EFCAB11: variants seen among roughly 807,000 people sequenced by gnomAD.
EFCAB11 encodes the protein EF-hand calcium-binding domain-containing protein 11.
EFCAB11 carries 14 observed loss-of-function variants against 23.0 expected under a neutral mutation model. The ratio of observed to expected loss-of-function variants is 0.61; its 90% confidence interval spans 0.40 to 0.95. EFCAB11 has a LOEUF of 0.95. Among genes scored for constraint, EFCAB11 ranks in the 40% least tolerant of loss-of-function variants. EFCAB11 has a pLI of 0.00. For missense variants in EFCAB11, 198 were observed against 195.8 expected (o/e 1.01, Z -0.07); for synonymous variants, 65 against 66.6 (o/e 0.98, Z 0.11).
intron 5 of EFCAB11, among the ~76,000 whole-genome samples, chr14:89,904,336 T>A (rs1475037771): frequency 1.3e-5 from 2 of 152,290 alleles, no homozygotes; most frequent in South Asian, 2.1e-4. Context: ...CAGGATTCCA[T>A]GGTGTATATG....
At chr14:89,874,272 ACTG>A (rs1211755853) in intron 5 of EFCAB11, among the ~76,000 whole-genome samples, 1 of 152,114 alleles carries the variant, frequency 6.6e-6, no homozygotes, top group African/African-American at 2.4e-5. Flanking sequence ...AAGTCCTGAG[ACTG>A]CACAAAGCAG....
intron 5 of EFCAB11, among the ~76,000 whole-genome samples, chr14:89,864,930 C>A (rs1282815930): frequency 6.6e-6 from 1 of 152,204 alleles, no homozygotes; most frequent in Admixed American, 6.5e-5. Flanking sequence ...CAGCAGGATG[C>A]CCTCAGTGAC....
chr14:89,868,867 T>C lies in EFCAB11; in HGVS notation c.410+62674A>G, dbSNP rs1002990967. Reference sequence around the variant, plus strand: ...GAGCATAACAGACACCAAAATACTATGCAAACCTGCTTTCTTACAGAAACA... The same window carrying C: ...GAGCATAACAGACACCAAAATACTACGCAAACCTGCTTTCTTACAGAAACA... On this transcript the variant is annotated intron_variant, in intron 5 of 5. Transcript: ENST00000316738. Among the ~76,000 whole-genome samples, 3 of 152,202 alleles carry C rather than the reference T, an allele frequency of 2.0e-5. No individual in the cohort carries two copies. The East Asian group carries it at 5.8e-4, about 29-fold the overall frequency.
chr14:89,842,451 T>C (rs1224389786), intron 5 of EFCAB11, among the ~76,000 whole-genome samples: 1 of 152,160 alleles, frequency 6.6e-6, no homozygotes, highest in Non-Finnish European at 1.5e-5. Context: ...TAGCCAAGCA[T>C]GGAATCCCAG....
In EFCAB11 at chr14:89,836,778, G is replaced by A. The variant is rs375818844; in HGVS notation, c.411-39454C>T. On this transcript the variant is annotated intron_variant, in intron 5 of 5. Coordinates refer to ENST00000316738, the MANE Select transcript of EFCAB11 (RefSeq NM_145231.4). ...TTACACCTGTAATCCCAGCACTTTG[G>A]GAGGCTGAGGTGGGCAGATCACTTG... 7.3e-5 allele frequency: 30 copies of A among 411,086 alleles called. No individual in the cohort carries two copies. The East Asian group carries it at 8.5e-4, about 12-fold the overall frequency. 25.5% of individuals were successfully genotyped at this position (411,086 alleles called of 1,614,324 possible).
intron 3 of EFCAB11, among the ~76,000 whole-genome samples, chr14:89,934,465 T>C (rs997689520): frequency 1.3e-5 from 2 of 152,082 alleles, no homozygotes; most frequent in African/African-American, 4.8e-5. Flanking sequence ...AAGAGCAAAA[T>C]TGGGGCGAGA....
At chr14:89,828,637 T>TGG (rs377273054) in intron 5 of EFCAB11, among the ~76,000 whole-genome samples, 2 of 152,166 alleles carry the variant, frequency 1.3e-5, no homozygotes, top group African/African-American at 4.8e-5. Flanking sequence ...TCAGAACTTA[T>TGG]GGGGTGTTTA....
At chr14:89,838,583 AAAC>A (rs1170688846) in intron 5 of EFCAB11, among the ~76,000 whole-genome samples, 1 of 152,186 alleles carries the variant, frequency 6.6e-6, no homozygotes, top group East Asian at 1.9e-4. Context: ...TAAGGGAGAA[AAAC>A]AATAACAGCA....
chr14:89,929,163 C>T (rs1236967733), intron 5 of EFCAB11, among the ~76,000 whole-genome samples: 1 of 151,748 alleles, frequency 6.6e-6, no homozygotes, highest in Non-Finnish European at 1.5e-5. Context: ...CCTCCCATCT[C>T]AGCCTCCCAA....
intron 3 of EFCAB11, among the ~76,000 whole-genome samples, chr14:89,939,227 G>C (rs1216263320): frequency 6.6e-6 from 1 of 151,838 alleles, no homozygotes; most frequent in Non-Finnish European, 1.5e-5. Flanking sequence ...GACTCGGCTG[G>C]ACACAATTCA....
At chr14:89,924,532 C>T in intron 5 of EFCAB11, 2 of 1,485,672 alleles carry the variant, frequency 1.3e-6, no homozygotes, top group South Asian at 2.6e-5. Flanking sequence ...GAGAAGGTTC[C>T]TAGGCATGGA....
intron 5 of EFCAB11, among the ~76,000 whole-genome samples, chr14:89,916,530 G>A (rs1202887512): frequency 6.6e-6 from 1 of 152,150 alleles, no homozygotes; most frequent in African/African-American, 2.4e-5. Flanking sequence ...TAGTAAAGAA[G>A]ACCATTTGAA....
At chr14:89,907,240 A>C (rs1555375742) in intron 5 of EFCAB11, among the ~76,000 whole-genome samples, 1 of 152,210 alleles carries the variant, frequency 6.6e-6, no homozygotes, top group Non-Finnish European at 1.5e-5. Context: ...GATTTGTTTG[A>C]GGGTCTAACA....
intron 5 of EFCAB11, among the ~76,000 whole-genome samples, chr14:89,811,450 T>A (rs1361553245): frequency 6.6e-6 from 1 of 152,092 alleles, no homozygotes; most frequent in African/African-American, 2.4e-5. Flanking sequence ...TGTGAATATG[T>A]TGTATTATGT....
intron 5 of EFCAB11, chr14:89,923,614 A>T: frequency 1.1e-6 from 1 of 884,750 alleles, no homozygotes; most frequent in Non-Finnish European, 1.4e-6. Flanking sequence ...ACAAAGAATG[A>T]AATATGATTT....
intron 3 of EFCAB11, among the ~76,000 whole-genome samples, chr14:89,939,762 G>A: frequency 6.6e-6 from 1 of 152,056 alleles, no homozygotes; most frequent in East Asian, 1.9e-4. Context: ...ATTTTTTGAT[G>A]GAGTCTTGCT....
chr14:89,869,666 G>A (rs1888207705), intron 5 of EFCAB11, among the ~76,000 whole-genome samples: 1 of 152,128 alleles, frequency 6.6e-6, no homozygotes, highest in Non-Finnish European at 1.5e-5. Flanking sequence ...CACAAGATGG[G>A]GATGGTGACA....
intron 5 of EFCAB11, among the ~76,000 whole-genome samples, chr14:89,857,510 T>TC (rs930351322): frequency 1.2e-4 from 8 of 67,754 alleles, no homozygotes; most frequent in Non-Finnish European, 2.6e-4. Context: ...ACCTGGTCTT[T>TC]CTTTTTTTTC....
rs369263692 is a variant in EFCAB11, at chr14:89,954,634, C to A, written c.27G>T (p.Arg9Ser). 1 of 1,613,332 alleles carries A rather than the reference C, an allele frequency of 6.2e-7. No homozygotes were observed. The highest frequency in any genetic ancestry group is 1.3e-5 in the African/African-American group (1 of 74,928). MFFSEARA[R>S]SRTWEASPSE... ...AGGGACTGGCTTCCCACGTCCGCGA[C>A]CTGGCTCTGGCCTCGGAGAAGAACA... The change falls in exon 1 of 6, where the codon AGG becomes AGT. Residue 9 changes from arginine to serine, a missense_variant. Arg to Ser is a moderately radical substitution (Grantham distance 110). Transcript: ENST00000316738.
Sources: gnomAD v4.1 joint callset for allele counts (sites outside exome capture counted in the v4.1 genomes callset) on GRCh38, gnomAD v4.1.1 for gene constraint, MANE v1.5 for transcripts, NCBI Gene and HGNC (gene_info 2026-07-23, HGNC 2026-07-21) for gene names.